The following DHX57 variants were observed in gnomAD, a reference collection of about 807,000 sequenced individuals.
DHX57 encodes putative ATP-dependent RNA helicase DHX57.
In DHX57, 105 loss-of-function variants were observed where a neutral mutation model predicts 156.2. The ratio of observed to expected loss-of-function variants is 0.67; its 90% CI spans 0.57 to 0.79. DHX57 has a LOEUF of 0.79. DHX57 is among the 30% of genes least tolerant of loss of function. The probability of loss-of-function intolerance (pLI) is 0.00; values close to 1 mark genes in which losing one functional copy is unlikely to be tolerated. For missense variants in DHX57, 1,847 were observed against 1,661.9 expected (o/e 1.11, Z -1.94); for synonymous variants, 704 against 595.6 (o/e 1.18, Z -2.65).
intron 11 of DHX57, among the ~76,000 whole-genome samples, chr2:38,845,616 A>T (rs1484447758): frequency 6.6e-6 from 1 of 152,210 alleles, no homozygotes; most frequent in Non-Finnish European, 1.5e-5. Context: ...CTGAAATCAC[A>T]TGAGTCTAAG....
intron 22 of DHX57, 79 bp downstream of exon 22, chr2:38,806,480 T>C: frequency 8.6e-6 from 13 of 1,516,094 alleles, no homozygotes; most frequent in South Asian, 7.5e-5. Context: ...TGATAGAACA[T>C]GGTGTGGCTG....
intron 12 of DHX57, among the ~76,000 whole-genome samples, chr2:38,840,449 G>C (rs889231521): frequency 1.3e-5 from 2 of 150,648 alleles, no homozygotes; most frequent in Non-Finnish European, 1.5e-5. Flanking sequence ...GGTGCAATCT[G>C]GGCTCACTGT....
chr2:38,847,048 A>C lies in DHX57; in HGVS notation c.2190T>G (p.Phe730Leu), dbSNP rs1381238333. ...IPGRTFPVDQ[F>L]FLEDAIAVTR... ...TCACAGCAATTGCATCTTCCAAAAA[A>C]AATTGATCAACAGGAAATGTACGAC... Residue 730 changes from phenylalanine to leucine, a missense_variant, in exon 11 of 24, where the codon TTT (phenylalanine) becomes TTG (leucine). Phe to Leu is a conservative substitution (Grantham distance 22). Coordinates refer to ENST00000457308, the MANE Select transcript of DHX57 (RefSeq NM_198963.3). The C allele has an allele frequency of 6.2e-7, 1 of 1,613,766 alleles. No homozygotes were observed. The highest frequency in any genetic ancestry group is 8.5e-7 in the Non-Finnish European group (1 of 1,179,872).
intron 20 of DHX57, 34 bp from the exon 21 acceptor site, chr2:38,813,929 A>T: frequency 6.2e-7 from 1 of 1,607,744 alleles, no homozygotes; most frequent in East Asian, 2.2e-5. Context: ...TTAACAAGTG[A>T]TATGGCTATT....
At chr2:38,820,073 G>T (rs757433341) in intron 17 of DHX57, among the ~76,000 whole-genome samples, 2 of 152,122 alleles carry the variant, frequency 1.3e-5, no homozygotes, top group African/African-American at 4.8e-5. Flanking sequence ...TGCCCTAGTT[G>T]CAACACCACT....
At chr2:38,852,158 G>A (rs1011362415) in intron 9 of DHX57, among the ~76,000 whole-genome samples, 3 of 147,412 alleles carry the variant, frequency 2.0e-5, no homozygotes. Flanking sequence ...TCTTCTAATA[G>A]TTCTTCTGGT....
intron 1 of DHX57, among the ~76,000 whole-genome samples, chr2:38,870,012 T>C (rs542385435): frequency 6.6e-6 from 1 of 152,198 alleles, no homozygotes; most frequent in Admixed American, 6.5e-5. Flanking sequence ...TAAAAAATTA[T>C]ATATATAAAA....
intron 23 of DHX57, among the ~76,000 whole-genome samples, chr2:38,800,721 T>C (rs1325825363): frequency 6.6e-6 from 1 of 152,306 alleles, no homozygotes; most frequent in South Asian, 2.1e-4. Flanking sequence ...CCAGGAGCTA[T>C]TGCAGCCCTT....
chr2:38,868,851 C>T (rs901517703), intron 1 of DHX57, among the ~76,000 whole-genome samples: 4 of 152,066 alleles, frequency 2.6e-5, no homozygotes, highest in Admixed American at 1.3e-4. Flanking sequence ...CTTGCTCTGT[C>T]GCCCAGGCCG....
chr2:38,843,355 G>A, intron 11 of DHX57, 145 bp from the exon 12 acceptor site: 2 of 799,914 alleles, frequency 2.5e-6, no homozygotes, highest in Admixed American at 2.4e-5. Context: ...CAGGATTCTG[G>A]CTGTACCCTA....
chr2:38,867,152 T>A (rs562739830), intron 2 of DHX57: 1 of 152,234 alleles, frequency 6.6e-6, no homozygotes, highest in African/African-American at 2.4e-5. Flanking sequence ...AGCAACATGC[T>A]GTATAGATTT....
chr2:38,854,662 A>G (rs1341860415), intron 8 of DHX57: 1 of 174,654 alleles, frequency 5.7e-6, no homozygotes, highest in Non-Finnish European at 1.2e-5. Flanking sequence ...CCCAGGTTCA[A>G]GGGATTCTCC....
At chr2:38,827,506 ATAT>A (rs1273981882) in intron 14 of DHX57, among the ~76,000 whole-genome samples, 89 of 30,664 alleles carry the variant, frequency 2.9e-3, no homozygotes, top group African/African-American at 0.01. Context: ...AAAAAAAAAA[ATAT>A]ATATATATAT....
chr2:38,854,870 T>G, intron 8 of DHX57, 187 bp downstream of exon 8: 1 of 586,356 alleles, frequency 1.7e-6, no homozygotes, highest in Non-Finnish European at 2.8e-6. Flanking sequence ...CCATAAGAGT[T>G]CTTATACCAA....
chr2:38,868,375 G>T lies in DHX57; in HGVS notation c.31C>A (p.Pro11Thr), dbSNP rs569587971. 5.6e-6 allele frequency: 9 copies of T among 1,613,308 alleles called. No individual in the cohort carries two copies. The East Asian group carries it at 1.1e-4, about 20-fold the overall frequency. The change falls in exon 2 of 24, where the codon CCA becomes ACA. Residue 11 changes from proline to threonine, a missense_variant. By Grantham distance (38) the Pro-to-Thr change is conservative (BLOSUM62 -1). Transcript: ENST00000457308. MSSSVRRKGK[P>T]GKGGGKGSSR... ...GACCCTTTTCCACCTCCTTTGCCTG[G>T]CTTGCCTTTTCTTCTTACTGAAGAA...
In DHX57 at chr2:38,861,004, G is replaced by A. The variant is rs1382807848; in HGVS notation, c.1406C>T (p.Pro469Leu). ...PNNSFVSNQI[P>L]EVEKASESEE... ...AAGATCAATGCCTTACATACCTTCT[G>A]GAATTTGATTAGAAACAAAAGAATT... is the stretch of plus-strand genomic sequence containing the variant. The change falls in exon 5 of 24, where the codon CCA (proline) becomes CTA (leucine). Residue 469 changes from proline (P) to leucine (L), a missense_variant. Physicochemically the swap from Pro to Leu is moderately conservative, Grantham distance 98. Transcript: ENST00000457308. The A allele has an allele frequency of 1.2e-6, 2 of 1,612,234 alleles. No homozygotes were observed. The highest frequency in any genetic ancestry group is 1.7e-6 in the Non-Finnish European group (2 of 1,178,826).
rs1262293760 is a variant in DHX57, at chr2:38,868,401, C to T, written c.5G>A (p.Ser2Asn). ...CTTGCCTTTTCTTCTTACTGAAGAA[C>T]TCATTTTCACCTGCAAGAGAAAAAA... M[S>N]SSVRRKGKPG... Residue 2 changes from serine (S) to asparagine (N), a missense_variant, in exon 2 of 24, where the codon AGT becomes AAT. Coordinates refer to ENST00000457308, the MANE Select transcript of DHX57 (RefSeq NM_198963.3). 1 of 1,612,642 alleles carries T rather than the reference C, an allele frequency of 6.2e-7. No individual in the cohort carries two copies. The highest frequency in any genetic ancestry group is 1.3e-5 in the African/African-American group (1 of 75,026).
chr2:38,814,003 T>C, intron 20 of DHX57, 108 bp from the exon 21 acceptor site: 5 of 1,249,916 alleles, frequency 4.0e-6, no homozygotes, highest in Non-Finnish European at 4.5e-6. Context: ...AGTGGCGCCA[T>C]CTCAGCTTAC....
rs184038783 is a variant in DHX57, at chr2:38,809,562, A to G, written c.3682-2869T>C. On this transcript the variant is annotated intron_variant, in intron 21 of 23. Coordinates refer to ENST00000457308, the MANE Select transcript of DHX57 (RefSeq NM_198963.3). The stretch of plus-strand genomic sequence containing the variant: ...CTGCAACCTCTGCCTCCCAGGTTCA[A>G]GCGATTCTCCTGCCTCAGCCTCCCA... Among the ~76,000 whole-genome samples the G allele has an allele frequency of 5.7e-4, 86 of 151,196 alleles. 1 individual carries two copies. The highest frequency in any genetic ancestry group is 3.1e-3 in the South Asian group (15 of 4,784).
Sources: gnomAD v4.1 joint callset for allele counts (sites outside exome capture counted in the v4.1 genomes callset) on GRCh38, gnomAD v4.1.1 for gene constraint, MANE v1.5 for transcripts, NCBI Gene and HGNC (gene_info 2026-07-23, HGNC 2026-07-21) for gene names.